The following CSMD1 variants were observed in gnomAD, a reference collection of about 807,000 sequenced individuals.
CSMD1 encodes the protein CUB and sushi domain-containing protein 1.
A neutral mutation model predicts 417.5 loss-of-function variants in CSMD1; 213 were observed. The ratio of observed to expected loss-of-function variants is 0.51; its 90% confidence interval spans 0.46 to 0.57. The LOEUF is 0.57. Ranked by LOEUF, CSMD1 falls within the 20% of genes least tolerant of loss-of-function variation. CSMD1 has a pLI of 0.00. For synonymous variants in CSMD1, 2,862 were observed against 1,736.8 expected, an observed-to-expected ratio of 1.65 and a Z score of -16.11; for missense variants, 6,923 against 4,529.7, an observed-to-expected ratio of 1.53 and a Z score of -15.17.
At chr8:3,911,343 A>G (rs1183909396) in intron 5 of CSMD1, among the ~76,000 whole-genome samples, 9 of 151,636 alleles carry the variant, frequency 5.9e-5, no homozygotes, top group African/African-American at 2.2e-4. Context: ...CCTAGCTAAC[A>G]CACTGAAACC....
chr8:4,664,255 G>A (rs1184930580), intron 1 of CSMD1, among the ~76,000 whole-genome samples: 1 of 152,168 alleles, frequency 6.6e-6, no homozygotes, highest in Non-Finnish European at 1.5e-5. Flanking sequence ...ATTTCTGTGT[G>A]ACTAGTAAGA....
At chr8:3,256,061 C>G (rs912199072) in intron 26 of CSMD1, among the ~76,000 whole-genome samples, 2 of 152,124 alleles carry the variant, frequency 1.3e-5, no homozygotes, top group African/African-American at 4.8e-5. Flanking sequence ...GGTGAGGTGG[C>G]TCACACCTGT....
chr8:4,561,695 G>T (rs938392511), intron 2 of CSMD1, among the ~76,000 whole-genome samples: 6 of 152,150 alleles, frequency 3.9e-5, no homozygotes, highest in African/African-American at 1.4e-4. Context: ...AAGAAAAAAA[G>T]AGAGACAGAG....
intron 1 of CSMD1, among the ~76,000 whole-genome samples, chr8:4,725,998 G>GT (rs1585004248): frequency 6.6e-6 from 1 of 152,124 alleles, no homozygotes; most frequent in East Asian, 1.9e-4. Flanking sequence ...TCACGAACTA[G>GT]TTGTAAGAAT....
intron 1 of CSMD1, among the ~76,000 whole-genome samples, chr8:4,688,633 C>A (rs1392954996): frequency 6.6e-6 from 1 of 152,070 alleles, no homozygotes; most frequent in East Asian, 1.9e-4. Flanking sequence ...GACTTCAGAG[C>A]CATTTGGGGG....
intron 10 of CSMD1, among the ~76,000 whole-genome samples, chr8:3,521,084 T>C (rs908136285): frequency 2.0e-5 from 3 of 152,188 alleles, no homozygotes; most frequent in African/African-American, 4.8e-5. Context: ...AATTTTACTG[T>C]CATTATCTCC....
intron 3 of CSMD1, among the ~76,000 whole-genome samples, chr8:4,406,301 G>C (rs142902803): frequency 2.6e-5 from 4 of 152,128 alleles, no homozygotes; most frequent in South Asian, 4.1e-4. Context: ...CAAACCCTTT[G>C]CAATTGGGCT....
intron 2 of CSMD1, among the ~76,000 whole-genome samples, chr8:4,499,697 G>C (rs991711169): frequency 6.6e-6 from 1 of 152,204 alleles, no homozygotes; most frequent in Non-Finnish European, 1.5e-5. Flanking sequence ...TTTAATAAAT[G>C]CATTTGAAGT....
chr8:3,645,274 G>A (rs17066721), intron 7 of CSMD1, among the ~76,000 whole-genome samples: 11,292 of 152,198 alleles, frequency 0.074, 444 homozygotes, highest in Middle Eastern at 0.13. Flanking sequence ...ACTTGTCTCA[G>A]GAAGCCATAA....
chr8:3,141,924 A>C (rs1563080946), intron 41 of CSMD1, among the ~76,000 whole-genome samples: 1 of 151,374 alleles, frequency 6.6e-6, no homozygotes, highest in Non-Finnish European at 1.5e-5. Flanking sequence ...CAGCCTCCCG[A>C]GTAGCTGGGA....
At chr8:3,077,925 C>T (rs1813804221) in intron 49 of CSMD1, among the ~76,000 whole-genome samples, 1 of 152,232 alleles carries the variant, frequency 6.6e-6, no homozygotes, top group African/African-American at 2.4e-5. Flanking sequence ...TTCAAAGTTC[C>T]TCCTGCTGAA....
chr8:3,230,375 C>G (rs1481539986), intron 26 of CSMD1, 144 bp from the exon 27 acceptor site: 2 of 526,238 alleles, frequency 3.8e-6, no homozygotes, highest in Non-Finnish European at 6.4e-6. Context: ...AAAATAGTTT[C>G]TTTTCCCAGG....
chr8:3,294,892 A>G (rs1318424068), intron 25 of CSMD1, among the ~76,000 whole-genome samples: 1 of 151,966 alleles, frequency 6.6e-6, no homozygotes, highest in Non-Finnish European at 1.5e-5. Flanking sequence ...GGAAATGGAG[A>G]AATCGCCCGT....
chr8:3,528,910 C>A (rs1797864525), intron 10 of CSMD1, among the ~76,000 whole-genome samples: 2 of 152,214 alleles, frequency 1.3e-5, no homozygotes, highest in South Asian at 2.1e-4. Context: ...CATTTATCTG[C>A]AAAAATATGA....
At chr8:4,301,920 T>G (rs1207817063) in intron 3 of CSMD1, among the ~76,000 whole-genome samples, 2 of 152,254 alleles carry the variant, frequency 1.3e-5, no homozygotes, top group Non-Finnish European at 2.9e-5. Flanking sequence ...TTATGTTGCT[T>G]TGATAGGGGC....
At chr8:3,956,842 G>T (rs567825707) in intron 5 of CSMD1, among the ~76,000 whole-genome samples, 144 of 152,276 alleles carry the variant, frequency 9.5e-4, no homozygotes, top group African/African-American at 3.4e-3. Context: ...AATGTTGGTG[G>T]CTCTTCCTGA....
At chr8:3,539,836 C>A (rs774347220) in intron 10 of CSMD1, among the ~76,000 whole-genome samples, 2 of 151,628 alleles carry the variant, frequency 1.3e-5, no homozygotes, top group African/African-American at 4.8e-5. Flanking sequence ...GTTAAGGTGC[C>A]GTGGAAAATC....
chr8:3,004,145 T>C (rs1807669163), intron 52 of CSMD1, among the ~76,000 whole-genome samples: 1 of 152,174 alleles, frequency 6.6e-6, no homozygotes, highest in Admixed American at 6.6e-5. Flanking sequence ...CAAAACCAAA[T>C]ATCATCTAGT....
intron 26 of CSMD1, among the ~76,000 whole-genome samples, chr8:3,250,376 A>G (rs903026382): frequency 6.6e-6 from 1 of 152,226 alleles, no homozygotes; most frequent in Non-Finnish European, 1.5e-5. Flanking sequence ...TGTCCCTACA[A>G]AGGACATGAA....
Sources: allele counts gnomAD v4.1 joint callset (sites outside exome capture counted in the v4.1 genomes callset), GRCh38; gene constraint gnomAD v4.1.1; transcripts MANE v1.5; gene names NCBI Gene and HGNC (gene_info 2026-07-23, HGNC 2026-07-21).